The following METRNL variants were observed in gnomAD, a reference collection of about 807,000 sequenced individuals.
The protein encoded by METRNL is meteorin-like protein.
A neutral mutation model predicts 17.4 loss-of-function variants in METRNL; 9 were observed. The ratio of observed to expected loss-of-function variants is 0.52; its 90% confidence interval spans 0.31 to 0.90. METRNL has a LOEUF of 0.90. Among genes scored for constraint, METRNL ranks in the 40% least tolerant of loss-of-function variants. The probability of loss-of-function intolerance (pLI) is 0.05; values close to 1 mark genes in which losing one functional copy is unlikely to be tolerated. For synonymous variants in METRNL, 215 were observed against 199.3 expected, an observed-to-expected ratio of 1.08 and a Z score of -0.66; for missense variants, 408 against 430.7, an observed-to-expected ratio of 0.95 and a Z score of 0.47.
At chr17:83,090,917 C>CAT (rs1277375977) in intron 2 of METRNL, among the ~76,000 whole-genome samples, 1 of 152,164 alleles carries the variant, frequency 6.6e-6, no homozygotes, top group Non-Finnish European at 1.5e-5. Flanking sequence ...TCAGGCCCAG[C>CAT]ATGGTCTGCA....
At chr17:83,087,936 C>T (rs922605966) in intron 2 of METRNL, among the ~76,000 whole-genome samples, 1 of 152,230 alleles carries the variant, frequency 6.6e-6, no homozygotes, top group African/African-American at 2.4e-5. Context: ...GCCCCGTCCC[C>T]TGCCCAGCCA....
Position 83,079,877 on chromosome 17 carries a change from C to T in METRNL, c.62C>T (p.Ala21Val). The T allele has an allele frequency of 5.1e-6, 5 of 977,584 alleles. No homozygotes were observed. The highest frequency in any genetic ancestry group is 4.5e-5 in the South Asian group (1 of 21,984). 60.6% of individuals were successfully genotyped at this position (977,584 alleles called of 1,614,324 possible). A position where few individuals can be genotyped will look rare whatever the true frequency, so the allele number is the denominator to read the frequency against. Residue 21 changes from alanine to valine, a missense_variant, in exon 1 of 4, where the codon GCC becomes GTC. Transcript: ENST00000320095. ...GGGCAGCCGTGGCCGCGACCCCCCG[C>T]CCCGGGCCCGCCCCCGCCGCCGCTC... is the stretch of plus-strand genomic sequence containing the variant. ...RAGQPWPRPP[A>V]PGPPPPPLPL...
intron 1 of METRNL, chr17:83,084,713 G>A (rs1032225641): frequency 2.4e-5 from 14 of 582,432 alleles, no homozygotes; most frequent in Middle Eastern, 4.5e-4. Flanking sequence ...GGCTCTTGGT[G>A]CAGGTGCACT....
intron 1 of METRNL, 54 bp downstream of exon 1, chr17:83,080,039 C>A: frequency 4.1e-6 from 4 of 985,548 alleles, no homozygotes; most frequent in South Asian, 4.6e-5. Context: ...CGTCCCCTCC[C>A]GTCCCGGGCC....
chr17:83,092,023 C>T (rs1172359958), intron 2 of METRNL, among the ~76,000 whole-genome samples: 2 of 152,230 alleles, frequency 1.3e-5, no homozygotes, highest in African/African-American at 4.8e-5. Context: ...AGGGCGAGGG[C>T]TGGGCCGAGG....
chr17:83,083,946 T>C (rs1385381295), intron 1 of METRNL: 2 of 152,250 alleles, frequency 1.3e-5, no homozygotes, highest in Admixed American at 6.5e-5. Flanking sequence ...ACGTGGCTGT[T>C]AGCCACGAGC....
chr17:83,093,475 T>A (rs1568340583), intron 3 of METRNL, among the ~76,000 whole-genome samples: 1 of 152,218 alleles, frequency 6.6e-6, no homozygotes, highest in Non-Finnish European at 1.5e-5. Context: ...TTTCCCATTT[T>A]GTAAATGAGA....
At position 83,079,890 on chromosome 17, in the gene METRNL, C is replaced by T; in HGVS notation, c.75C>T (p.Pro25=). The T allele has an allele frequency of 1.0e-6, 1 of 986,760 alleles. No homozygotes were observed. 61.1% of individuals were successfully genotyped at this position (986,760 alleles called of 1,614,324 possible). A position where few individuals can be genotyped will look rare whatever the true frequency, so the allele number is the denominator to read the frequency against. ...CGCGACCCCCCGCCCCGGGCCCGCCCCCGCCGCCGCTCCCGCTGCTGCTCC... is the reference window on the plus strand; with the variant it reads ...CGCGACCCCCCGCCCCGGGCCCGCCTCCGCCGCCGCTCCCGCTGCTGCTCC... ...PWPRPPAPGP[P]PPPLPLLLLL... The change falls in exon 1 of 4, where the codon CCC becomes CCT. Residue 25 remains proline (P), a synonymous_variant. Coordinates refer to ENST00000320095, the MANE Select transcript of METRNL (RefSeq NM_001004431.3).
intron 1 of METRNL, among the ~76,000 whole-genome samples, chr17:83,080,601 C>CTTT (rs563834169): frequency 0.011 from 555 of 52,162 alleles, 21 homozygotes; most frequent in African/African-American, 0.037. Flanking sequence ...CGGCCGAGGA[C>CTTT]TTTTTTTTTT....
At chr17:83,081,617 T>C (rs2037989628) in intron 1 of METRNL, among the ~76,000 whole-genome samples, 1 of 152,066 alleles carries the variant, frequency 6.6e-6, no homozygotes, top group Admixed American at 6.5e-5. Context: ...GGAGGCCCTC[T>C]TCGCCATCGT....
At chr17:83,082,035 A>G (rs1235102487) in intron 1 of METRNL, 14 of 977,980 alleles carry the variant, frequency 1.4e-5, no homozygotes, top group Non-Finnish European at 1.7e-5. Context: ...TGGCCACTGC[A>G]TCGACGGCCT....
intron 1 of METRNL, among the ~76,000 whole-genome samples, chr17:83,081,863 C>T (rs2037993340): frequency 6.6e-6 from 1 of 152,206 alleles, no homozygotes; most frequent in Non-Finnish European, 1.5e-5. Context: ...GAATCAGTGA[C>T]AGAGACTCGC....
intron 1 of METRNL, among the ~76,000 whole-genome samples, chr17:83,083,274 G>C (rs1387112378): frequency 6.6e-6 from 1 of 152,244 alleles, no homozygotes; most frequent in Non-Finnish European, 1.5e-5. Context: ...GAGGTGACCA[G>C]AGCCCGCTCC....
chr17:83,085,650 C>T lies in METRNL; in HGVS notation c.556+327C>T, dbSNP rs72854241. Among the ~76,000 whole-genome samples, 821 of 152,294 alleles carry T rather than the reference C, an allele frequency of 5.4e-3. 4 individuals are homozygous for T. The highest frequency in any genetic ancestry group is 6.8e-3 in the Middle Eastern group (2 of 294). ...GACTGGCCCATCTGGGTTAGTGTTT[C>T]GGGCGGCATGGCCTTGGCCGAGCGG... is the stretch of plus-strand genomic sequence containing the variant. On this transcript the variant is annotated intron_variant, in intron 2 of 3. Coordinates refer to ENST00000320095, the MANE Select transcript of METRNL (RefSeq NM_001004431.3).
At chr17:83,089,193 G>T (rs1042430079) in intron 2 of METRNL, among the ~76,000 whole-genome samples, 1 of 152,054 alleles carries the variant, frequency 6.6e-6, no homozygotes, top group Non-Finnish European at 1.5e-5. Flanking sequence ...TCAGCCTTGG[G>T]TCCTCGAGCC....
chr17:83,079,730 GCCCCGC>G lies in METRNL; in HGVS notation c.-77_-72del, dbSNP rs1209972624. The G allele has an allele frequency of 1.7e-6, 1 of 573,632 alleles. No homozygotes were observed. Among genetic ancestry groups the G allele is most frequent in the East Asian group, 1.5e-4 (1 of 6,708 alleles). 35.5% of individuals were successfully genotyped at this position (573,632 alleles called of 1,614,324 possible). On this transcript the variant is annotated 5_prime_UTR_variant, in exon 1 of 4. Transcript: ENST00000320095. ...ACGTGACCACCCGGACTCGAAGCCC[GCCCCGC>G]CCCCGCCCGGCTCGCCGGCTCCGGG...
chr17:83,087,097 C>T (rs2038061308), intron 2 of METRNL, among the ~76,000 whole-genome samples: 1 of 152,046 alleles, frequency 6.6e-6, no homozygotes, highest in African/African-American at 2.4e-5. Flanking sequence ...GGCGGTGGGT[C>T]CTCGCTCACC....
Position 83,081,186 on chromosome 17 carries a change from G to C in METRNL, c.170+1201G>C, listed in dbSNP as rs529750153. On this transcript the variant is annotated intron_variant, in intron 1 of 3. Coordinates refer to ENST00000320095, the MANE Select transcript of METRNL (RefSeq NM_001004431.3). ...GGGCCGCGGGCGGATGGAGGTCTGG[G>C]GGGGGTCGGCCGGGAACGCCGGCGC... Among the ~76,000 whole-genome samples the C allele has an allele frequency of 7.3e-3, 1,105 of 152,084 alleles. 12 individuals are homozygous for C. Among genetic ancestry groups the C allele is most frequent in the African/African-American group, 0.024 (994 of 41,524 alleles).
Position 83,085,118 on chromosome 17 carries a change from C to T in METRNL, c.351C>T (p.Ala117=), listed in dbSNP as rs919421791. The stretch of plus-strand genomic sequence containing the variant: ...GGTCCTTCACGGACTCCTCGGGGGC[C>T]AATATTTATTTGGAAAAAACTGGAG... ...CIRSFTDSSG[A]NIYLEKTGEL... Residue 117 remains alanine (A), a synonymous_variant, in exon 2 of 4, where the codon GCC becomes GCT. Coordinates refer to ENST00000320095, the MANE Select transcript of METRNL (RefSeq NM_001004431.3). 2.3e-5 allele frequency: 37 copies of T among 1,613,668 alleles called. No homozygotes were observed. Among genetic ancestry groups the T allele is most frequent in the Non-Finnish European group, 3.1e-5 (37 of 1,179,994 alleles).
Sources: gnomAD v4.1 joint callset for allele counts (sites outside exome capture counted in the v4.1 genomes callset) on GRCh38, gnomAD v4.1.1 for gene constraint, MANE v1.5 for transcripts, NCBI Gene and HGNC (gene_info 2026-07-23, HGNC 2026-07-21) for gene names.